The following NPHP4 variants were observed in gnomAD, a reference collection of about 807,000 sequenced individuals.
NPHP4 encodes nephrocystin-4.
Under a neutral mutation model 155.8 loss-of-function variants are expected in NPHP4, and 151 were observed. The ratio of observed to expected loss-of-function variants is 0.97; its 90% CI spans 0.85 to 1.11. NPHP4 has a LOEUF of 1.11. Ranked by LOEUF, NPHP4 falls within the 50% of genes least tolerant of loss-of-function variation. The pLI, the probability that NPHP4 is intolerant of heterozygous loss-of-function variation, is 0.00. For synonymous variants in NPHP4, 845 were observed against 816.8 expected (o/e 1.03, Z -0.59); for missense variants, 1,956 against 1,925.7 (o/e 1.02, Z -0.29).
At chr1:5,963,238 T>C (rs1049408651) in intron 5 of NPHP4, among the ~76,000 whole-genome samples, 3 of 151,920 alleles carry the variant, frequency 2.0e-5, no homozygotes, top group African/African-American at 4.8e-5. Flanking sequence ...CTACTAAAAA[T>C]ACAAAAATTA....
rs1482214229 is a variant in NPHP4, at chr1:5,909,308, G to T, written c.1442-95C>A. Reference sequence around the variant, plus strand: ...CCCCCACGCAGTCAGGTCTCCACAGGCCTCACCACCTTGTCTGTAACAGGG... The same window carrying T: ...CCCCCACGCAGTCAGGTCTCCACAGTCCTCACCACCTTGTCTGTAACAGGG... On this transcript the variant is annotated intron_variant, in intron 11 of 29. Transcript: ENST00000378156. The T allele has an allele frequency of 6.3e-6, 6 of 947,532 alleles. No individual in the cohort carries two copies. The African/African-American group carries it at 6.5e-5, about 10-fold the overall frequency. 58.7% of individuals were successfully genotyped at this position (947,532 alleles called of 1,614,324 possible).
chr1:5,897,141 G>C (rs1644434188), intron 16 of NPHP4, among the ~76,000 whole-genome samples: 1 of 152,130 alleles, frequency 6.6e-6, no homozygotes, highest in Non-Finnish European at 1.5e-5. Flanking sequence ...TTTTAACAAA[G>C]AATGTGAGCT....
At chr1:5,909,992 C>T (rs1191107887) in intron 11 of NPHP4, among the ~76,000 whole-genome samples, 1 of 152,210 alleles carries the variant, frequency 6.6e-6, no homozygotes, top group Non-Finnish European at 1.5e-5. Context: ...GGGCTCTCAG[C>T]CCCTGCACCT....
At chr1:5,981,128 G>A (rs900700458) in intron 2 of NPHP4, among the ~76,000 whole-genome samples, 2 of 152,034 alleles carry the variant, frequency 1.3e-5, no homozygotes, top group African/African-American at 2.4e-5. Context: ...CTCCTCACCC[G>A]GGACTGCCTG....
At chr1:5,926,370 C>T (rs957012583) in intron 11 of NPHP4, among the ~76,000 whole-genome samples, 1 of 152,156 alleles carries the variant, frequency 6.6e-6, no homozygotes, top group African/African-American at 2.4e-5. Flanking sequence ...TTATGTATTA[C>T]TATTGTACTT....
intron 13 of NPHP4, among the ~76,000 whole-genome samples, chr1:5,906,832 C>T (rs554414220): frequency 2.6e-5 from 4 of 152,332 alleles, no homozygotes; most frequent in South Asian, 4.1e-4. Flanking sequence ...ACGTAGAGAC[C>T]TAGGGGTAGC....
chr1:5,969,858 T>C (rs1652246058), intron 3 of NPHP4, among the ~76,000 whole-genome samples: 1 of 152,220 alleles, frequency 6.6e-6, no homozygotes, highest in Non-Finnish European at 1.5e-5. Context: ...TTTCTTTAGG[T>C]GCTAAGTAAT....
intron 23 of NPHP4, among the ~76,000 whole-genome samples, chr1:5,871,401 T>C (rs1446236089): frequency 6.6e-6 from 1 of 152,318 alleles, no homozygotes; most frequent in Non-Finnish European, 1.5e-5. Context: ...AAACATGGAC[T>C]GTCTCTGGAG....
Position 5,969,202 on chromosome 1 carries a change from C to A in NPHP4, c.337G>T (p.Val113Phe). 6.3e-7 allele frequency: 1 copy of A among 1,582,490 alleles called. No homozygotes were observed. The highest frequency in any genetic ancestry group is 1.2e-5 in the South Asian group (1 of 86,614). The part of the protein sequence containing the change: ...HPHIVAVVEV[V>F]AEGKKRDGSL... ...CCATCCCGTTTCTTGCCCTCAGCGACCACTTCCACCACAGCCACGATATGA... is the reference window on the plus strand; with the variant it reads ...CCATCCCGTTTCTTGCCCTCAGCGAACACTTCCACCACAGCCACGATATGA... Residue 113 changes from valine to phenylalanine, a missense_variant, in exon 4 of 30, where the codon GTC becomes TTC. Val to Phe is a conservative substitution (Grantham distance 50). Transcript: ENST00000378156.
chr1:5,875,009 A>AG lies in NPHP4; in HGVS notation c.2908dup (p.Leu970ProfsTer23), dbSNP rs1168286961. 1.2e-6 allele frequency: 2 copies of AG among 1,611,720 alleles called. No individual in the cohort carries two copies. The highest frequency in any genetic ancestry group is 1.3e-5 in the African/African-American group (1 of 74,924). On this transcript the variant is annotated frameshift_variant, in exon 21 of 30. Transcript: ENST00000378156. LOFTEE classifies it high-confidence loss of function. ...CTCCGTGGTGATGGCCAGGCTCAGC[A>AG]GGCTGGCGATGCTCTCGGCCTTCGT...
intron 9 of NPHP4, among the ~76,000 whole-genome samples, chr1:5,945,753 T>C (rs1647055390): frequency 6.6e-6 from 1 of 152,218 alleles, no homozygotes; most frequent in Non-Finnish European, 1.5e-5. Flanking sequence ...ATTTACTTGT[T>C]AAAATGATAC....
At chr1:5,865,356 C>T (rs1221274186) in intron 26 of NPHP4, 83 bp from the exon 27 acceptor site, 14 of 1,263,030 alleles carry the variant, frequency 1.1e-5, no homozygotes, top group African/African-American at 1.0e-4. Context: ...CTGCCAGGAG[C>T]GTGGGCAGAC....
Position 5,958,856 on chromosome 1 carries a change from CA to C in NPHP4, c.673+2937del, listed in dbSNP as rs397705325. On this transcript the variant is annotated intron_variant, in intron 6 of 29. Coordinates refer to ENST00000378156, the MANE Select transcript of NPHP4 (RefSeq NM_015102.5). Reference sequence around the variant, plus strand: ...CCTGAAGAAGAGCCAGACCCTGTCTCAAAAAAAAAAAAAAAAAGAATTAGAG... The same window carrying C: ...CCTGAAGAAGAGCCAGACCCTGTCTCAAAAAAAAAAAAAAAAGAATTAGAG... 1.0e-3 allele frequency among the ~76,000 whole-genome samples: 76 copies of C among 75,870 alleles called. 1 individual carries two copies. Among genetic ancestry groups the C allele is most frequent in the African/African-American group, 2.4e-3 (38 of 15,792 alleles). 49.8% of individuals were successfully genotyped at this position (75,870 alleles called of 152,430 possible).
rs1641403030 is a variant in NPHP4 at position 5,867,790 on chromosome 1, A to C, written c.3422T>G (p.Leu1141Arg). Residue 1141 changes from leucine (L) to arginine (R), a missense_variant, in exon 24 of 30, where the codon CTC becomes CGC. Coordinates refer to ENST00000378156, the MANE Select transcript of NPHP4 (RefSeq NM_015102.5). This position sits in a 1 kb window ranked among gnomAD's most constrained non-coding sequence, Gnocchi z 4.1. ...DQVFRFYHPE[L>R]SFLKKAIRLP... ...GCGGATGGCCTTCTTCAGGAAGGAG[A>C]GCTCCGGGTGATAGAAGCGGAAGAC... 6.2e-7 allele frequency: 1 copy of C among 1,612,522 alleles called. No homozygotes were observed. The highest frequency in any genetic ancestry group is 1.3e-5 in the African/African-American group (1 of 74,988).
In NPHP4 at chr1:5,904,658, TG is replaced by T; in HGVS notation, c.2101del (p.His701ThrfsTer6). The T allele has an allele frequency of 6.2e-7, 1 of 1,613,412 alleles. No homozygotes were observed. Among genetic ancestry groups the T allele is most frequent in the Non-Finnish European group, 8.5e-7 (1 of 1,179,496 alleles). The stretch of plus-strand genomic sequence containing the variant: ...ATCTCTGCTCACAGGCACGAGGATG[TG>T]GGTCAGGGCGCCAGAGCTGGGCTGG... Reference protein sequence around the residue: ...AGQPSSGALTHILVPVSRDGT... With the variant: ...AGQPSSGALTXILVPVSRDGT... On this transcript the variant is annotated frameshift_variant, in exon 16 of 30. Transcript: ENST00000378156. LOFTEE classifies it high-confidence loss of function.
At chr1:5,974,810 T>G (rs763344421) in intron 3 of NPHP4, among the ~76,000 whole-genome samples, 1 of 152,108 alleles carries the variant, frequency 6.6e-6, no homozygotes, top group Non-Finnish European at 1.5e-5. Context: ...ATGTGTGACA[T>G]GGGCACTCCA....
At chr1:5,962,080 G>A in intron 5 of NPHP4, 131 bp from the exon 6 acceptor site, 1 of 600,928 alleles carries the variant, frequency 1.7e-6, no homozygotes, top group Non-Finnish European at 2.9e-6. Context: ...AGAGTGAAGT[G>A]GTGCTCTGTT....
chr1:5,920,948 T>C (rs1296219863), intron 11 of NPHP4, among the ~76,000 whole-genome samples: 3 of 152,256 alleles, frequency 2.0e-5, no homozygotes, highest in East Asian at 1.9e-4. Context: ...CATAAAAATA[T>C]TCTCCAATGT....
intron 23 of NPHP4, 122 bp downstream of exon 23, chr1:5,873,130 C>T (rs1642180438): frequency 1.2e-6 from 1 of 846,822 alleles, no homozygotes; most frequent in African/African-American, 1.7e-5. Context: ...CAGGCCCACG[C>T]CACCCCTGCC....
Sources: allele counts gnomAD v4.1 joint callset (sites outside exome capture counted in the v4.1 genomes callset), GRCh38; gene constraint gnomAD v4.1.1; non-coding constraint Gnocchi (gnomAD v3.1); transcripts MANE v1.5; gene names NCBI Gene and HGNC (gene_info 2026-07-23, HGNC 2026-07-21).